HELZ2: variants seen among roughly 807,000 people sequenced by gnomAD.
HELZ2 encodes the protein helicase with zinc finger 2, also known as 3'-5' exoribonuclease HELZ2.
HELZ2 carries 143 observed loss-of-function variants against 208.8 expected under a neutral mutation model. The ratio of observed to expected loss-of-function variants is 0.68; its 90% confidence interval spans 0.60 to 0.79. The LOEUF (loss-of-function observed/expected upper bound fraction) is 0.79. HELZ2 is among the 30% of genes least tolerant of loss of function. The probability of loss-of-function intolerance (pLI) is 0.00; values close to 1 mark genes in which losing one functional copy is unlikely to be tolerated. For synonymous variants in HELZ2, 1,705 were observed against 1,693.7 expected (o/e 1.01, Z -0.16); for missense variants, 3,690 against 3,794.5 (o/e 0.97, Z 0.72).
At chr20:63,561,628 C>T (rs143065747) in exon 12 of HELZ2, 21 of 1,610,710 alleles carry the variant, frequency 1.3e-5, no homozygotes, top group Middle Eastern at 1.7e-4. Flanking sequence ...CCTCCCCTCC[C>T]GGGGGCTCTT....
In HELZ2 at chr20:63,565,439, C is replaced by T. The variant is rs761231115; in HGVS notation, c.3383G>A (p.Arg1128Gln). The change falls in exon 8 of 19, where the codon CGG (arginine) becomes CAG (glutamine). Residue 1128 changes from arginine (R) to glutamine (Q), a missense_variant. Physicochemically the swap from Arg to Gln is conservative, Grantham distance 43. Transcript: ENST00000467148. ...TGGCACGAAAGAGCAGTGGCGGTAC[C>T]GCTCGGGCTCCGCGTGCAGCAGCTT... 70 of 1,610,222 alleles carry T rather than the reference C, an allele frequency of 4.3e-5. 1 individual carries two copies. The South Asian group carries it at 5.5e-4, about 13-fold the overall frequency.
Position 63,568,726 on chromosome 20 carries a change from G to T in HELZ2, c.1362C>A (p.Cys454Ter). 6.2e-7 allele frequency: 1 copy of T among 1,605,492 alleles called. No individual in the cohort carries two copies. The change falls in exon 5 of 19, where the codon TGC (cysteine) becomes TGA (stop). Residue 454 changes from cysteine (C) to a stop codon, truncating the protein, a stop_gained. Coordinates refer to ENST00000467148, the Ensembl canonical transcript of HELZ2. LOFTEE classifies it high-confidence loss of function. The stretch of plus-strand genomic sequence containing the variant: ...CCTCAGGCTGCAGCCCCAGGGCCAA[G>T]CAGCAGCGGGCCGGAAGCAGCAGCC...
intron 16 of HELZ2, 66 bp from the exon 18 acceptor site, chr20:63,560,393 T>C (rs1031067139): frequency 2.7e-5 from 42 of 1,582,226 alleles, no homozygotes; most frequent in Non-Finnish European, 1.7e-6. Context: ...CAGGAAGCCC[T>C]CCCTGACTCA....
At chr20:63,562,979 A>C in exon 8 of HELZ2, 1 of 1,596,222 alleles carries the variant, frequency 6.3e-7, no homozygotes, top group Non-Finnish European at 8.5e-7. Context: ...CAGGGCGCAG[A>C]ATGGTTCCCA....
In HELZ2 at chr20:63,569,130, C is replaced by T. The variant is rs764682955; in HGVS notation, c.1088+18G>A. The stretch of plus-strand genomic sequence containing the variant: ...GCTGCTCCTGCTACCCCAGCTGCTC[C>T]TGTTGCCCCCAGCTCACTTGGCCAC... On this transcript the variant is annotated intron_variant, in intron 4 of 18. Coordinates refer to ENST00000467148, the Ensembl canonical transcript of HELZ2. 5.7e-6 allele frequency: 9 copies of T among 1,569,698 alleles called. No individual in the cohort carries two copies. The highest frequency in any genetic ancestry group is 7.8e-6 in the Non-Finnish European group (9 of 1,159,938).
chr20:63,564,887 T>G (rs1312070738), exon 8 of HELZ2: 1 of 1,612,334 alleles, frequency 6.2e-7, no homozygotes, highest in Admixed American at 1.7e-5. Flanking sequence ...GGTGGCCTGG[T>G]CCGACGGGGG....
chr20:63,573,534 G>A (rs982260686), upstream of HELZ2, among the ~76,000 whole-genome samples: 2 of 152,090 alleles, frequency 1.3e-5, no homozygotes, highest in African/African-American at 4.8e-5. This position sits in a 1 kb window ranked among gnomAD's most constrained non-coding sequence, Gnocchi z 4.9. Flanking sequence ...CCTGGAGGGG[G>A]CAGAGCCCTT....
At position 63,567,414 on chromosome 20, in the gene HELZ2, G is replaced by T. The variant is rs1160859789; in HGVS notation, c.1944C>A (p.Thr648=). The change falls in exon 6 of 19, where the codon ACC becomes ACA. Residue 648 remains threonine (T), a synonymous_variant. Transcript: ENST00000467148. ...GCACCCTGAGCTCACGGGCCTGGGA[G>T]GTGGTGGTGACCACCACGCGGTGCC... The T allele has an allele frequency of 2.2e-5, 34 of 1,576,868 alleles. No individual in the cohort carries two copies. In the Admixed American group the frequency reaches 5.9e-4, roughly 27 times the overall value.
intron 8 of HELZ2, 32 bp from the exon 10 acceptor site, chr20:63,562,414 C>G (rs749624071): frequency 6.4e-7 from 1 of 1,551,780 alleles, no homozygotes; most frequent in Admixed American, 2.0e-5. Flanking sequence ...GGAAAACCAA[C>G]AGGACTCCCA....
chr20:63,565,540 C>T (rs770817531), exon 8 of HELZ2: 12 of 1,606,432 alleles, frequency 7.5e-6, no homozygotes, highest in Admixed American at 1.7e-5. Flanking sequence ...CAGTGTCCAG[C>T]AGCCCGTCCT....
At chr20:63,567,314 C>G in exon 6 of HELZ2, 1 of 1,609,794 alleles carries the variant, frequency 6.2e-7, no homozygotes, top group Non-Finnish European at 8.5e-7. Flanking sequence ...GAGGCATAGG[C>G]CAGCGGGGTG....
chr20:63,566,177 A>C lies in HELZ2; in HGVS notation c.2645T>G (p.Leu882Arg), dbSNP rs367987450. The change falls in exon 8 of 19, where the codon CTC (leucine) becomes CGC (arginine). Residue 882 changes from leucine (L) to arginine (R), a missense_variant. Physicochemically the swap from Leu to Arg is moderately radical, Grantham distance 102. Transcript: ENST00000467148. ...CTCAGGGGCCAGTGCCCCAGGGCTGAGCAGGCTCTGGCAGGTGTGCACAGT... is the reference window on the plus strand; with the variant it reads ...CTCAGGGGCCAGTGCCCCAGGGCTGCGCAGGCTCTGGCAGGTGTGCACAGT... The C allele has an allele frequency of 2.0e-6, 3 of 1,532,896 alleles. No individual in the cohort carries two copies. In the Admixed American group the frequency reaches 5.8e-5, roughly 30 times the overall value. The allele number at this position is 1,532,896 out of a possible 1,614,324, so 95.0% of individuals were successfully genotyped here. A position where few individuals can be genotyped will look rare whatever the true frequency, so the allele number is the denominator to read the frequency against.
exon 8 of HELZ2, chr20:63,566,002 A>G (rs983865361): frequency 6.3e-7 from 1 of 1,597,736 alleles, no homozygotes; most frequent in Non-Finnish European, 8.5e-7. Context: ...CGGGGCAGAC[A>G]CTGTGCCGCT....
chr20:63,568,499 C>T (rs1399338562), exon 5 of HELZ2: 1 of 1,585,270 alleles, frequency 6.3e-7, no homozygotes, highest in Non-Finnish European at 8.6e-7. Flanking sequence ...ATCCCCAGGG[C>T]CCCAGCCCGC....
At chr20:63,566,781 G>A (rs1017832101) in intron 6 of HELZ2, 63 bp downstream of exon 7, 70 of 1,465,450 alleles carry the variant, frequency 4.8e-5, no homozygotes, top group East Asian at 1.9e-4. Context: ...TCCATCAGCC[G>A]GAGAGCTCCC....
At position 63,570,589 on chromosome 20, in the gene HELZ2, A is replaced by T. The variant is rs759143387; in HGVS notation, c.485T>A (p.Val162Glu). 4 of 1,611,862 alleles carry T rather than the reference A, an allele frequency of 2.5e-6. No individual in the cohort carries two copies. In the East Asian group the frequency reaches 6.7e-5, roughly 27 times the overall value. Residue 162 changes from valine to glutamate, a missense_variant, in exon 3 of 19, where the codon GTG becomes GAG. Around this residue, in one of 3 missense-constraint regions of HELZ2, gnomAD observed 1,119 missense variants for 1,193.4 expected, o/e 0.94. Transcript: ENST00000467148. Reference sequence around the variant, plus strand: ...CAGGGGCTGGTTGCAGGTGACACGCACTCCATCAAGGGTCTCTGCCAGCTG... The same window carrying T: ...CAGGGGCTGGTTGCAGGTGACACGCTCTCCATCAAGGGTCTCTGCCAGCTG...
At chr20:63,563,070 G>T in exon 8 of HELZ2, 1 of 1,597,154 alleles carries the variant, frequency 6.3e-7, no homozygotes, top group Non-Finnish European at 8.5e-7. Flanking sequence ...TCTCCGGGCC[G>T]CTCCACGTGC....
rs144759742 is a variant in HELZ2 at position 63,560,882 on chromosome 20, A to C, written c.7194T>G (p.Asn2398Lys). 1,273 of 1,613,204 alleles carry C rather than the reference A, an allele frequency of 7.9e-4. 2 individuals carry two copies. Among genetic ancestry groups the C allele is most frequent in the Non-Finnish European group, 9.7e-4 (1,148 of 1,179,934 alleles). ...CCAGACCCAGGTTTTGCAGCCGCTCATTCTTGACCACAGGCCGCAGCTGCT... is the reference window on the plus strand; with the variant it reads ...CCAGACCCAGGTTTTGCAGCCGCTCCTTCTTGACCACAGGCCGCAGCTGCT... The change falls in exon 15 of 19, where the codon AAT becomes AAG. Residue 2398 changes from asparagine (N) to lysine (K), a missense_variant. Asn to Lys is a moderately conservative substitution (Grantham distance 94). This residue lies in a region of HELZ2 where 2,564 missense variants were observed against 2,580.5 expected (regional missense o/e 0.99). Coordinates refer to ENST00000467148, the Ensembl canonical transcript of HELZ2.
exon 8 of HELZ2, chr20:63,566,169 C>A: frequency 6.5e-7 from 1 of 1,536,394 alleles, no homozygotes; most frequent in East Asian, 2.3e-5. Context: ...GCCAGTGCCC[C>A]AGGGCTGAGC....
Sources: gnomAD v4.1 joint callset for allele counts (sites outside exome capture counted in the v4.1 genomes callset) on GRCh38, gnomAD v4.1.1 for gene constraint, gnomAD v4.1.1 regional missense constraint, Gnocchi (gnomAD v3.1) non-coding constraint, MANE v1.5 for transcripts, NCBI Gene and HGNC (gene_info 2026-07-23, HGNC 2026-07-21) for gene names.